TSPAN14: variants seen among roughly 807,000 people sequenced by gnomAD.
TSPAN14 encodes tetraspanin-14.
A neutral mutation model predicts 36.6 loss-of-function variants in TSPAN14; 16 were observed. That is an observed-to-expected ratio of 0.44 (90% CI 0.30 to 0.66). TSPAN14 has a LOEUF of 0.66. Among genes scored for constraint, TSPAN14 ranks in the 30% least tolerant of loss-of-function variants. The pLI is 0.12. For synonymous variants in TSPAN14, 139 were observed against 143.8 expected, an observed-to-expected ratio of 0.97 and a Z score of 0.24; for missense variants, 231 against 355.1, an observed-to-expected ratio of 0.65 and a Z score of 2.81.
At chr10:80,493,435 G>A (rs1178806677) in intron 2 of TSPAN14, among the ~76,000 whole-genome samples, 2 of 152,184 alleles carry the variant, frequency 1.3e-5, no homozygotes, top group African/African-American at 2.4e-5. Flanking sequence ...GCAGGATCTC[G>A]AAGAGATATT....
intron 1 of TSPAN14, among the ~76,000 whole-genome samples, chr10:80,480,524 C>T (rs1417516204): frequency 1.3e-5 from 2 of 152,166 alleles, no homozygotes; most frequent in Admixed American, 1.3e-4. Flanking sequence ...AGACTCGGAA[C>T]CAACCCAAAT....
intron 5 of TSPAN14, among the ~76,000 whole-genome samples, chr10:80,510,301 C>T (rs1386839593): frequency 6.6e-6 from 1 of 152,226 alleles, no homozygotes; most frequent in Non-Finnish European, 1.5e-5. Flanking sequence ...TTAACCAAAA[C>T]TTGTTCACCT....
chr10:80,501,785 C>T (rs1848537087), intron 2 of TSPAN14, among the ~76,000 whole-genome samples: 2 of 152,224 alleles, frequency 1.3e-5, no homozygotes. Context: ...GATTGAATCA[C>T]ACCCAGAAGT....
intron 6 of TSPAN14, 46 bp downstream of exon 6, chr10:80,512,315 G>T: frequency 6.2e-7 from 1 of 1,608,214 alleles, no homozygotes; most frequent in Non-Finnish European, 8.5e-7. Flanking sequence ...CCTTCCTGAA[G>T]CCCAGAAGCT....
chr10:80,511,711 C>CCTCTCT (rs56307745), intron 5 of TSPAN14, among the ~76,000 whole-genome samples: 21 of 25,810 alleles, frequency 8.1e-4, no homozygotes, highest in East Asian at 1.6e-3. Flanking sequence ...AAGGGCAGGT[C>CCTCTCT]CTCTCTCTCT....
chr10:80,496,499 C>T (rs1156828778), intron 2 of TSPAN14, among the ~76,000 whole-genome samples: 1 of 152,180 alleles, frequency 6.6e-6, no homozygotes, highest in African/African-American at 2.4e-5. Flanking sequence ...GTTTGGGGTT[C>T]ATTGGGCCTT....
chr10:80,457,931 C>T (rs1482256004), intron 1 of TSPAN14, among the ~76,000 whole-genome samples: 1 of 152,228 alleles, frequency 6.6e-6, no homozygotes. Context: ...TTAGTGGGAA[C>T]ACCCCTGGTG....
At chr10:80,489,085 G>C in intron 1 of TSPAN14, 132 bp from the exon 2 acceptor site, 1 of 617,406 alleles carries the variant, frequency 1.6e-6, no homozygotes, top group Non-Finnish European at 2.9e-6. Flanking sequence ...TTGGTATCAG[G>C]CCTCTGCTTG....
At chr10:80,506,057 C>CGCCT (rs1161286381) in intron 3 of TSPAN14, among the ~76,000 whole-genome samples, 1 of 152,228 alleles carries the variant, frequency 6.6e-6, no homozygotes, top group Non-Finnish European at 1.5e-5. Context: ...CTGCAACCTC[C>CGCCT]GCCTCCCTGG....
intron 1 of TSPAN14, among the ~76,000 whole-genome samples, chr10:80,464,117 T>G (rs1337273397): frequency 6.6e-6 from 1 of 151,652 alleles, no homozygotes; most frequent in Non-Finnish European, 1.5e-5. Context: ...CTATGTGGGG[T>G]GTGAAGGGGG....
intron 2 of TSPAN14, among the ~76,000 whole-genome samples, chr10:80,501,710 G>A (rs1848534876): frequency 6.6e-6 from 1 of 152,214 alleles, no homozygotes; most frequent in Non-Finnish European, 1.5e-5. Context: ...CCTGTATAGA[G>A]CTTGACCCAT....
At chr10:80,476,296 G>C (rs935824079) in intron 1 of TSPAN14, among the ~76,000 whole-genome samples, 11 of 152,130 alleles carry the variant, frequency 7.2e-5, no homozygotes, top group African/African-American at 2.7e-4. Context: ...CTTGAGCCTG[G>C]GAGGTCAAGG....
intron 3 of TSPAN14, 34 bp from the exon 4 acceptor site, chr10:80,507,194 G>A (rs1840348357): frequency 6.2e-7 from 1 of 1,613,682 alleles, no homozygotes; most frequent in African/African-American, 1.3e-5. Flanking sequence ...CCCCTTCTGG[G>A]CCAGTGCTGC....
chr10:80,468,965 T>C (rs1564712319), intron 1 of TSPAN14, among the ~76,000 whole-genome samples: 1 of 152,178 alleles, frequency 6.6e-6, no homozygotes, highest in African/African-American at 2.4e-5. Flanking sequence ...CTTTACCCAC[T>C]TGCTTTCCTG....
chr10:80,483,287 A>C (rs138071603), intron 1 of TSPAN14, among the ~76,000 whole-genome samples: 1 of 152,128 alleles, frequency 6.6e-6, no homozygotes, highest in African/African-American at 2.4e-5. Flanking sequence ...GGTAAGTGTG[A>C]TGCTGGAAAC....
At chr10:80,497,857 A>G (rs1385150042) in intron 2 of TSPAN14, among the ~76,000 whole-genome samples, 1 of 149,968 alleles carries the variant, frequency 6.7e-6, no homozygotes, top group Non-Finnish European at 1.5e-5. Flanking sequence ...GGGAGGGCAC[A>G]TGTGTTGCCT....
chr10:80,487,198 A>G (rs903772524), intron 1 of TSPAN14, among the ~76,000 whole-genome samples: 53 of 152,244 alleles, frequency 3.5e-4, no homozygotes, highest in East Asian at 1.9e-4. Context: ...CGTGTGCTGC[A>G]CCACAGCTCA....
Position 80,509,171 on chromosome 10 carries a change from C to T in TSPAN14, c.280-130C>T, listed in dbSNP as rs1459238220. The T allele has an allele frequency of 1.1e-5, 11 of 985,680 alleles. No homozygotes were observed. The highest frequency in any genetic ancestry group is 5.0e-5 in the East Asian group (2 of 39,872). The allele number at this position is 985,680 out of a possible 1,614,324, so 61.1% of individuals were successfully genotyped here. On this transcript the variant is annotated intron_variant, in intron 4 of 8. Transcript: ENST00000429989. This position sits in a 1 kb window ranked among gnomAD's most constrained non-coding sequence, Gnocchi z 4.7. ...CTCTAAGTGTGGGGTTCTGGGGCCC[C>T]GATGTGGGACTCTCAGGTGCAGAGC...
At chr10:80,498,682 C>T (rs1277731433) in intron 2 of TSPAN14, among the ~76,000 whole-genome samples, 2 of 152,188 alleles carry the variant, frequency 1.3e-5, no homozygotes, top group Admixed American at 1.3e-4. Flanking sequence ...CCTTGAACGC[C>T]CCTCACATCT....
Sources: gnomAD v4.1 joint callset for allele counts (sites outside exome capture counted in the v4.1 genomes callset) on GRCh38, gnomAD v4.1.1 for gene constraint, Gnocchi (gnomAD v3.1) non-coding constraint, MANE v1.5 for transcripts, NCBI Gene and HGNC (gene_info 2026-07-23, HGNC 2026-07-21) for gene names.